The following SEC14L4 variants were observed in gnomAD, a reference collection of about 807,000 sequenced individuals.
The protein encoded by SEC14L4 is SEC14 like lipid binding 4, also known as SEC14-like protein 4.
A neutral mutation model predicts 55.1 loss-of-function variants in SEC14L4; 42 were observed. The observed-to-expected ratio is 0.76, with a 90% CI of 0.60 to 0.99. SEC14L4 has a LOEUF of 0.99. Ranked by LOEUF, SEC14L4 falls within the 50% of genes least tolerant of loss-of-function variation. SEC14L4 has a pLI of 0.00. For synonymous variants in SEC14L4, 206 were observed against 206.8 expected, an observed-to-expected ratio of 1.00 and a Z score of 0.03; for missense variants, 445 against 512.1, an observed-to-expected ratio of 0.87 and a Z score of 1.27.
intron 10 of SEC14L4, 21 bp from the exon 11 acceptor site, chr22:30,491,763 T>C (rs375622265): frequency 3.0e-5 from 48 of 1,612,940 alleles, no homozygotes; most frequent in South Asian, 2.1e-4. Flanking sequence ...TAGAGCCCCA[T>C]TGGCGACCCC....
chr22:30,494,808 A>G (rs1325861870), intron 6 of SEC14L4, 58 bp downstream of exon 6: 1 of 1,119,914 alleles, frequency 8.9e-7, no homozygotes, highest in Non-Finnish European at 1.4e-6. Flanking sequence ...ATTCACAGCT[A>G]GGGCTCACAG....
chr22:30,499,826 C>G (rs1936264206), intron 2 of SEC14L4, among the ~76,000 whole-genome samples: 1 of 151,894 alleles, frequency 6.6e-6, no homozygotes, highest in Non-Finnish European at 1.5e-5. Flanking sequence ...AGGTAACTTT[C>G]ACTCTCTCAT....
intron 11 of SEC14L4, among the ~76,000 whole-genome samples, chr22:30,491,121 T>A (rs374085172): frequency 9.9e-5 from 15 of 152,206 alleles, no homozygotes; most frequent in African/African-American, 3.4e-4. Context: ...GGAAGGGCAG[T>A]GGTGTCCCTG....
intron 2 of SEC14L4, among the ~76,000 whole-genome samples, chr22:30,496,478 C>T (rs1936154651): frequency 6.6e-6 from 1 of 152,036 alleles, no homozygotes; most frequent in South Asian, 2.1e-4. Context: ...GACTGGAGAG[C>T]CCTTGATTTC....
At chr22:30,501,773 T>C (rs1568949082) in intron 2 of SEC14L4, among the ~76,000 whole-genome samples, 1 of 150,976 alleles carries the variant, frequency 6.6e-6, no homozygotes, top group Non-Finnish European at 1.5e-5. Flanking sequence ...TTTTGCACTA[T>C]ATTTGCAATT....
intron 2 of SEC14L4, 37 bp downstream of exon 2, chr22:30,503,640 C>T: frequency 6.8e-7 from 1 of 1,471,428 alleles, no homozygotes. Context: ...CCTTCCTTCC[C>T]TCCCTTTCTG....
intron 2 of SEC14L4, among the ~76,000 whole-genome samples, chr22:30,499,186 C>T (rs757078198): frequency 5.1e-4 from 77 of 151,662 alleles, no homozygotes; most frequent in Non-Finnish European, 3.5e-4. Context: ...CCACCGCGCC[C>T]GGCCAGTCAT....
chr22:30,491,528 G>T, intron 11 of SEC14L4, 45 bp downstream of exon 11: 1 of 1,609,930 alleles, frequency 6.2e-7, no homozygotes, highest in Non-Finnish European at 8.5e-7. Context: ...AAGCAGAGGG[G>T]AGACTGGCAG....
chr22:30,491,421 C>A, intron 11 of SEC14L4, 152 bp downstream of exon 11: 2 of 788,248 alleles, frequency 2.5e-6, no homozygotes, highest in Admixed American at 2.8e-5. Context: ...CTCATACCTA[C>A]AGGTAGGGGC....
In SEC14L4 at chr22:30,495,268, G is replaced by A; in HGVS notation, c.409C>T (p.Leu137=). The A allele has an allele frequency of 1.2e-6, 2 of 1,611,186 alleles. No individual in the cohort carries two copies. Among genetic ancestry groups the A allele is most frequent in the Non-Finnish European group, 1.7e-6 (2 of 1,178,724 alleles). The change falls in exon 5 of 12, where the codon CTG becomes TTG. Residue 137 remains leucine, a synonymous_variant. Transcript: ENST00000255858. ...CCGCTGCTCACCTTCTGAGTTTGCA[G>A]CTCACACTCATGCAACAGCAGCTCA... ...VCELLLHECE[L]QTQKLGRKIE...
chr22:30,494,919 C>G lies in SEC14L4; in HGVS notation c.466G>C (p.Glu156Gln). ...IEMALMVFDM[E>Q]GLSLKHLWKP... ...CACAGGTGTTTCAGGCTCAGCCCCT[C>G]CATGTCAAACACCATCAGCGCCATC... Residue 156 changes from glutamate to glutamine, a missense_variant, in exon 6 of 12, where the codon GAG becomes CAG. Transcript: ENST00000255858. The G allele has an allele frequency of 6.2e-7, 1 of 1,613,776 alleles. No individual in the cohort carries two copies. The highest frequency in any genetic ancestry group is 8.5e-7 in the Non-Finnish European group (1 of 1,179,976).
chr22:30,489,758 G>A lies in SEC14L4; in HGVS notation c.*349C>T. Reference sequence around the variant, plus strand: ...ACACCCCCTGAAGCTGGAACACCAGGCATGGGTGAGTCCTGGGTGGCTGGA... The same window carrying A: ...ACACCCCCTGAAGCTGGAACACCAGACATGGGTGAGTCCTGGGTGGCTGGA... On this transcript the variant is annotated 3_prime_UTR_variant, in exon 12 of 12. Transcript: ENST00000255858. The A allele has an allele frequency of 9.3e-7, 1 of 1,080,556 alleles. No individual in the cohort carries two copies. The highest frequency in any genetic ancestry group is 1.3e-5 in the South Asian group (1 of 74,186). 66.9% of individuals were successfully genotyped at this position (1,080,556 alleles called of 1,614,324 possible).
chr22:30,496,347 C>T (rs1410663059), intron 2 of SEC14L4, among the ~76,000 whole-genome samples: 3 of 151,844 alleles, frequency 2.0e-5, no homozygotes, highest in African/African-American at 7.3e-5. Flanking sequence ...TGGTCTTGAA[C>T]TCCTGGCCTC....
intron 2 of SEC14L4, 25 bp downstream of exon 2, chr22:30,503,652 G>A (rs770689446): frequency 3.7e-5 from 58 of 1,552,754 alleles, no homozygotes; most frequent in Non-Finnish European, 4.5e-5. Flanking sequence ...CCCTTTCTGC[G>A]TCCCCTGACC....
intron 2 of SEC14L4, among the ~76,000 whole-genome samples, chr22:30,501,896 T>A (rs187283874): frequency 0.012 from 1,647 of 139,168 alleles, 35 homozygotes; most frequent in African/African-American, 0.041. Context: ...CTTTTTTTTT[T>A]AAGACAGAGT....
Position 30,489,872 on chromosome 22 carries a change from G to T in SEC14L4, c.*235C>A, listed in dbSNP as rs769256288. On this transcript the variant is annotated 3_prime_UTR_variant, in exon 12 of 12. Coordinates refer to ENST00000255858, the MANE Select transcript of SEC14L4 (RefSeq NM_174977.4). ...ATCTTCAGCGTTCTCATTCTCAGCC[G>T]CATTCTCTGGGAACAGGGAAAGAGG... The T allele has an allele frequency of 6.4e-7, 1 of 1,551,478 alleles. No individual in the cohort carries two copies. The highest frequency in any genetic ancestry group is 1.4e-5 in the African/African-American group (1 of 73,058).
chr22:30,493,040 C>T (rs190287120), intron 7 of SEC14L4, among the ~76,000 whole-genome samples: 5 of 148,102 alleles, frequency 3.4e-5, no homozygotes, highest in South Asian at 2.1e-4. Context: ...GCCAAGATCA[C>T]GCCACTGCAC....
intron 8 of SEC14L4, 85 bp from the exon 9 acceptor site, chr22:30,492,240 G>T (rs1935987596): frequency 6.6e-7 from 1 of 1,504,536 alleles, no homozygotes; most frequent in Admixed American, 1.9e-5. Context: ...GAGGGAACCT[G>T]ATATGTCCTG....
intron 8 of SEC14L4, 108 bp from the exon 9 acceptor site, chr22:30,492,263 C>G (rs888008096): frequency 7.3e-6 from 10 of 1,378,614 alleles, no homozygotes; most frequent in Non-Finnish European, 1.0e-5. Context: ...CGTGCTCCCC[C>G]GGGCACCTAC....
Sources: allele counts gnomAD v4.1 joint callset (sites outside exome capture counted in the v4.1 genomes callset), GRCh38; gene constraint gnomAD v4.1.1; transcripts MANE v1.5; gene names NCBI Gene and HGNC (gene_info 2026-07-23, HGNC 2026-07-21).